The following KCNJ6 variants were observed in gnomAD, a reference collection of about 807,000 sequenced individuals.
The protein encoded by KCNJ6 is G protein-activated inward rectifier potassium channel 2.
KCNJ6 carries 9 observed loss-of-function variants against 34.2 expected under a neutral mutation model. The observed-to-expected ratio is 0.26, with a 90% CI of 0.16 to 0.46. The LOEUF (loss-of-function observed/expected upper bound fraction) is 0.46, where lower values mean the gene tolerates loss of function less well. KCNJ6 is among the 20% of genes least tolerant of loss of function. The probability of loss-of-function intolerance (pLI) is 1.00; values close to 1 mark genes in which losing one functional copy is unlikely to be tolerated. For synonymous variants in KCNJ6, 196 were observed against 207.1 expected (o/e 0.95, Z 0.46); for missense variants, 236 against 531.3 (o/e 0.44, Z 5.46).
At chr21:37,788,742 C>T (rs1398589740) in intron 2 of KCNJ6, among the ~76,000 whole-genome samples, 1 of 152,170 alleles carries the variant, frequency 6.6e-6, no homozygotes, top group Non-Finnish European at 1.5e-5. Context: ...AGAGATAAGC[C>T]ATCCCAGCCA....
chr21:37,870,584 CA>C (rs201828842), intron 1 of KCNJ6, among the ~76,000 whole-genome samples: 1 of 54,092 alleles, frequency 1.8e-5, no homozygotes, highest in East Asian at 1.0e-3. Context: ...TAGAACAATT[CA>C]AAATTTTGTT....
chr21:37,812,655 G>A (rs1568857780), intron 2 of KCNJ6, among the ~76,000 whole-genome samples: 1 of 152,102 alleles, frequency 6.6e-6, no homozygotes, highest in African/African-American at 2.4e-5. Context: ...AACAGAATGA[G>A]GGACAAAACC....
chr21:37,788,979 C>T (rs750618754), intron 2 of KCNJ6, among the ~76,000 whole-genome samples: 2 of 152,172 alleles, frequency 1.3e-5, no homozygotes, highest in Admixed American at 1.3e-4. Context: ...GAGTCATCAT[C>T]GAAAAGATTG....
chr21:37,626,774 G>A (rs1348659842), intron 3 of KCNJ6, among the ~76,000 whole-genome samples: 1 of 152,196 alleles, frequency 6.6e-6, no homozygotes, highest in African/African-American at 2.4e-5. Context: ...GATACTTTTA[G>A]AGGCCCGTGA....
At chr21:37,844,762 GGCTCCCCT>G (rs2123582736) in intron 1 of KCNJ6, among the ~76,000 whole-genome samples, 1 of 152,156 alleles carries the variant, frequency 6.6e-6, no homozygotes, top group Non-Finnish European at 1.5e-5. Flanking sequence ...AGTCTCTGCT[GGCTCCCCT>G]GCTCTTTCTG....
intron 1 of KCNJ6, among the ~76,000 whole-genome samples, chr21:37,897,564 T>A (rs371896895): frequency 1.6e-4 from 25 of 152,364 alleles, no homozygotes; most frequent in African/African-American, 6.0e-4. Flanking sequence ...CTCCGTGCCC[T>A]GTGGCCTGTC....
intron 2 of KCNJ6, among the ~76,000 whole-genome samples, chr21:37,790,094 T>G (rs987998622): frequency 2.0e-5 from 3 of 152,192 alleles, no homozygotes; most frequent in Non-Finnish European, 4.4e-5. Flanking sequence ...CTTTGATGGG[T>G]CAGACTCAAG....
At chr21:37,658,411 T>C (rs991195936) in intron 3 of KCNJ6, among the ~76,000 whole-genome samples, 1 of 152,238 alleles carries the variant, frequency 6.6e-6, no homozygotes, top group Non-Finnish European at 1.5e-5. Context: ...TCCTGAAATA[T>C]CTGCAGTGCA....
At chr21:37,781,046 T>A (rs1458708510) in intron 2 of KCNJ6, among the ~76,000 whole-genome samples, 1 of 152,214 alleles carries the variant, frequency 6.6e-6, no homozygotes, top group Non-Finnish European at 1.5e-5. Context: ...TGGGACTGGC[T>A]GAGGCCTGGC....
rs576389974 is a variant in KCNJ6, at chr21:37,615,148, G to T, written c.*10011C>A. The T allele has an allele frequency of 1.3e-5, 2 of 151,540 alleles. No homozygotes were observed. Among genetic ancestry groups the T allele is most frequent in the East Asian group, 3.9e-4 (2 of 5,120 alleles). The allele number at this position is 151,540 out of a possible 1,614,324, so 9.4% of individuals were successfully genotyped here. ...GGTAAACTATGGACCCTGGGATCTT[G>T]TTAGGCCTGACTCCCACAGTGTGGG... On this transcript the variant is annotated 3_prime_UTR_variant, in exon 4 of 4. Coordinates refer to ENST00000609713, the MANE Select transcript of KCNJ6 (RefSeq NM_002240.5).
chr21:37,621,287 T>C lies in KCNJ6; in HGVS notation c.*3872A>G, dbSNP rs968406468. The C allele has an allele frequency of 6.6e-6, 1 of 152,240 alleles. No homozygotes were observed. 9.4% of individuals were successfully genotyped at this position (152,240 alleles called of 1,614,324 possible). ...ATTTACTATGAGTATTTTAATTGTA[T>C]TCTCTCAGCAAATCAAATGATTTCC... On this transcript the variant is annotated 3_prime_UTR_variant, in exon 4 of 4. Transcript: ENST00000609713.
chr21:37,839,165 C>T (rs1310996321), intron 2 of KCNJ6, among the ~76,000 whole-genome samples: 1 of 152,144 alleles, frequency 6.6e-6, no homozygotes, highest in Non-Finnish European at 1.5e-5. Flanking sequence ...ACTAATACAA[C>T]CAGTTTGGGG....
chr21:37,827,972 C>T (rs1307312066), intron 2 of KCNJ6, among the ~76,000 whole-genome samples: 2 of 152,140 alleles, frequency 1.3e-5, no homozygotes, highest in African/African-American at 2.4e-5. Flanking sequence ...TTGCCTGTAG[C>T]CTCACAGCTA....
chr21:37,881,731 T>C (rs2055709459), intron 1 of KCNJ6, among the ~76,000 whole-genome samples: 1 of 152,162 alleles, frequency 6.6e-6, no homozygotes, highest in Admixed American at 6.5e-5. Context: ...GGGCCCCACC[T>C]TCATTACCTT....
chr21:37,816,938 A>G (rs2055349649), intron 2 of KCNJ6, among the ~76,000 whole-genome samples: 1 of 152,144 alleles, frequency 6.6e-6, no homozygotes, highest in African/African-American at 2.4e-5. Flanking sequence ...TGCTCCTACA[A>G]GCTGTCCCCT....
intron 2 of KCNJ6, among the ~76,000 whole-genome samples, chr21:37,795,542 C>T (rs1043291593): frequency 7.2e-5 from 11 of 151,956 alleles, no homozygotes; most frequent in Admixed American, 2.6e-4. Context: ...GTCAGGAGTT[C>T]GAGGCCAGCC....
rs375976798 is a variant in KCNJ6 at position 37,761,611 on chromosome 21, A to G, written c.26-46480T>C. The stretch of plus-strand genomic sequence containing the variant: ...ATATTTGTGTGTGTTGTGTGTATGT[A>G]GTATTTGTGTATGTGTTGTGTGTTG... On this transcript the variant is annotated intron_variant, in intron 2 of 3. Coordinates refer to ENST00000609713, the MANE Select transcript of KCNJ6 (RefSeq NM_002240.5). 4.2e-4 allele frequency among the ~76,000 whole-genome samples: 46 copies of G among 110,726 alleles called. No individual in the cohort carries two copies. In the East Asian group the frequency reaches 0.012, roughly 29 times the overall value. 72.6% of individuals were successfully genotyped at this position (110,726 alleles called of 152,430 possible).
chr21:37,646,139 C>T (rs781229550), intron 3 of KCNJ6, among the ~76,000 whole-genome samples: 19 of 152,146 alleles, frequency 1.2e-4, no homozygotes, highest in Non-Finnish European at 2.5e-4. Flanking sequence ...GTATTTATTT[C>T]AAGTGTATAT....
chr21:37,829,570 G>A (rs574564153), intron 2 of KCNJ6, among the ~76,000 whole-genome samples: 2 of 152,222 alleles, frequency 1.3e-5, no homozygotes, highest in East Asian at 3.9e-4. Flanking sequence ...GGTGTGTGGA[G>A]CTTGTGGCCC....
Sources: gnomAD v4.1 joint callset for allele counts (sites outside exome capture counted in the v4.1 genomes callset) on GRCh38, gnomAD v4.1.1 for gene constraint, MANE v1.5 for transcripts, NCBI Gene and HGNC (gene_info 2026-07-23, HGNC 2026-07-21) for gene names.